The following WIF1 variants were observed in gnomAD, a reference collection of about 807,000 sequenced individuals.
WIF1 encodes the protein Wnt inhibitory factor 1.
In WIF1, 35 loss-of-function variants were observed where a neutral mutation model predicts 53.5. The observed-to-expected ratio is 0.65, with a 90% CI of 0.50 to 0.87. WIF1 has a LOEUF of 0.87. Ranked by LOEUF, WIF1 falls within the 40% of genes least tolerant of loss-of-function variation. The probability of loss-of-function intolerance (pLI) is 0.00; values close to 1 mark genes in which losing one functional copy is unlikely to be tolerated. For synonymous variants in WIF1, 171 were observed against 170.4 expected (o/e 1.00, Z -0.03); for missense variants, 467 against 476.8 (o/e 0.98, Z 0.19).
intron 2 of WIF1, among the ~76,000 whole-genome samples, chr12:65,112,426 A>ACACACACG (rs1883446277): frequency 6.6e-6 from 1 of 150,872 alleles, no homozygotes; most frequent in African/African-American, 2.4e-5. Flanking sequence ...ACACACACAC[A>ACACACACG]CACACACACA....
intron 1 of WIF1, 51 bp downstream of exon 1, chr12:65,120,993 T>C: frequency 1.4e-6 from 2 of 1,391,074 alleles, no homozygotes; most frequent in Non-Finnish European, 1.9e-6. Flanking sequence ...TCTTGAAGAG[T>C]GGAGAGAGGA....
chr12:65,066,353 C>T (rs1051272461), intron 6 of WIF1, among the ~76,000 whole-genome samples: 1 of 152,124 alleles, frequency 6.6e-6, no homozygotes, highest in Non-Finnish European at 1.5e-5. Context: ...TTCCAAAGCT[C>T]TAGGCAGGAC....
chr12:65,099,386 C>G lies in WIF1; in HGVS notation c.288+21031G>C, dbSNP rs913901836. ...CATGTTCACTGCAGCAGATTTTGCT[C>G]AAATAAGCCACGTGATGCTCCTGCC... On this transcript the variant is annotated intron_variant, in intron 2 of 9. Coordinates refer to ENST00000286574, the MANE Select transcript of WIF1 (RefSeq NM_007191.5). 3.9e-5 allele frequency among the ~76,000 whole-genome samples: 6 copies of G among 152,190 alleles called. No individual in the cohort carries two copies. The South Asian group carries it at 1.2e-3, about 31-fold the overall frequency.
At chr12:65,112,211 T>C (rs940847198) in intron 2 of WIF1, among the ~76,000 whole-genome samples, 1 of 152,192 alleles carries the variant, frequency 6.6e-6, no homozygotes, top group African/African-American at 2.4e-5. Flanking sequence ...CTCTTGTACT[T>C]TTCCTGGTAC....
intron 4 of WIF1, 126 bp from the exon 5 acceptor site, chr12:65,067,916 A>G (rs1020990180): frequency 3.9e-5 from 29 of 738,494 alleles, no homozygotes; most frequent in Admixed American, 8.6e-5. Context: ...TTGATCAAAT[A>G]CCAGTACTTC....
At chr12:65,094,131 G>A (rs1883166442) in intron 2 of WIF1, among the ~76,000 whole-genome samples, 1 of 152,118 alleles carries the variant, frequency 6.6e-6, no homozygotes, top group South Asian at 2.1e-4. Flanking sequence ...CACAGCTACT[G>A]TCAGCCTTGA....
At chr12:65,066,822 C>T in intron 5 of WIF1, 86 bp from the exon 6 acceptor site, 1 of 853,910 alleles carries the variant, frequency 1.2e-6, no homozygotes, top group South Asian at 2.7e-5. Flanking sequence ...AACAGGTCTA[C>T]ATTTTCAAGC....
chr12:65,096,938 G>T (rs1229183157), intron 2 of WIF1, among the ~76,000 whole-genome samples: 1 of 151,590 alleles, frequency 6.6e-6, no homozygotes, highest in Non-Finnish European at 1.5e-5. Context: ...TAGATGACGG[G>T]TTGATAGGTG....
intron 2 of WIF1, among the ~76,000 whole-genome samples, chr12:65,087,888 AAAG>A (rs1319869357): frequency 1.3e-5 from 2 of 152,194 alleles, no homozygotes; most frequent in African/African-American, 4.8e-5. Context: ...TAGTCTTACC[AAAG>A]AAGATTTTAA....
chr12:65,114,304 C>T (rs971716511), intron 2 of WIF1, among the ~76,000 whole-genome samples: 2 of 152,074 alleles, frequency 1.3e-5, no homozygotes, highest in African/African-American at 4.8e-5. Flanking sequence ...ACCAGTGTTA[C>T]ATCACATCAA....
intron 2 of WIF1, among the ~76,000 whole-genome samples, chr12:65,096,093 G>A (rs1198798480): frequency 1.3e-5 from 2 of 152,118 alleles, no homozygotes; most frequent in Non-Finnish European, 2.9e-5. Context: ...CCTACAGAAT[G>A]GGAGAAAATT....
chr12:65,110,196 T>G (rs934527451), intron 2 of WIF1, among the ~76,000 whole-genome samples: 12 of 152,304 alleles, frequency 7.9e-5, no homozygotes, highest in South Asian at 2.1e-4. Context: ...ACAGTGTTTC[T>G]CCATCTGGCC....
rs948916958 is a variant in WIF1, at chr12:65,050,788, T to C, written c.*561A>G. The C allele has an allele frequency of 5.1e-6, 1 of 196,348 alleles. No individual in the cohort carries two copies. Among genetic ancestry groups the C allele is most frequent in the Non-Finnish European group, 1.1e-5 (1 of 94,642 alleles). 12.2% of individuals were successfully genotyped at this position (196,348 alleles called of 1,614,324 possible). ...TTCATTGTGTTTAGAATATATTATA[T>C]TGTTTAAATGCCACTACCACAGTGT... On this transcript the variant is annotated 3_prime_UTR_variant, in exon 10 of 10. Coordinates refer to ENST00000286574, the MANE Select transcript of WIF1 (RefSeq NM_007191.5).
chr12:65,115,476 G>T (rs986262456), intron 2 of WIF1, among the ~76,000 whole-genome samples: 1 of 152,104 alleles, frequency 6.6e-6, no homozygotes, highest in Non-Finnish European at 1.5e-5. Context: ...CTTAGAAAGG[G>T]TTATTTTCCA....
At chr12:65,082,431 CAG>C (rs1364136940) in intron 2 of WIF1, among the ~76,000 whole-genome samples, 3 of 152,112 alleles carry the variant, frequency 2.0e-5, no homozygotes, top group African/African-American at 7.2e-5. Context: ...TAAAGGCAAA[CAG>C]AGTAATTATT....
intron 5 of WIF1, among the ~76,000 whole-genome samples, 193 bp from the exon 6 acceptor site, chr12:65,066,929 C>A (rs1882696007): frequency 6.6e-6 from 1 of 151,996 alleles, no homozygotes; most frequent in African/African-American, 2.4e-5. Flanking sequence ...TTCAATTTCT[C>A]AGCCAATTTC....
intron 3 of WIF1, among the ~76,000 whole-genome samples, chr12:65,071,237 A>AAAAAAAAAAAAAAAAAG (rs1882769344): frequency 6.7e-6 from 1 of 149,690 alleles, no homozygotes. Flanking sequence ...CCATCAAAAA[A>AAAAAAAAAAAAAAAAAG]AAAAAAAAAA....
chr12:65,083,805 T>G (rs1592395373), intron 2 of WIF1: 1 of 369,758 alleles, frequency 2.7e-6, no homozygotes, highest in African/African-American at 2.4e-5. Flanking sequence ...TCCTTTCCTT[T>G]CCTTTCCTTT....
chr12:65,102,435 G>A (rs573313526), intron 2 of WIF1, among the ~76,000 whole-genome samples: 2 of 152,232 alleles, frequency 1.3e-5, no homozygotes, highest in South Asian at 2.1e-4. Context: ...CCCATAGGAG[G>A]GGCAGCCTTT....
Sources: gnomAD v4.1 joint callset for allele counts (sites outside exome capture counted in the v4.1 genomes callset) on GRCh38, gnomAD v4.1.1 for gene constraint, MANE v1.5 for transcripts, NCBI Gene and HGNC (gene_info 2026-07-23, HGNC 2026-07-21) for gene names.